Variants in CC2D2B observed in about 807,000 individuals in gnomAD.
CC2D2B encodes the protein coiled-coil and C2 domain containing 2B.
In CC2D2B, 128 loss-of-function variants were observed where a neutral mutation model predicts 161.2. The ratio of observed to expected loss-of-function variants is 0.79; its 90% confidence interval spans 0.69 to 0.92. The LOEUF is 0.92. CC2D2B is among the 40% of genes least tolerant of loss of function. The pLI is 0.00. For synonymous variants in CC2D2B, 391 were observed against 449.8 expected, an observed-to-expected ratio of 0.87 and a Z score of 1.65; for missense variants, 1,173 against 1,375.1, an observed-to-expected ratio of 0.85 and a Z score of 2.32.
At chr10:95,956,315 AG>A (rs1209697208) in intron 11 of CC2D2B, among the ~76,000 whole-genome samples, 2 of 152,268 alleles carry the variant, frequency 1.3e-5, no homozygotes, top group East Asian at 3.9e-4. Flanking sequence ...AATAAGAGCC[AG>A]TAGAAATAAT....
chr10:95,998,518 C>T (rs2078325318), intron 24 of CC2D2B, among the ~76,000 whole-genome samples: 2 of 151,828 alleles, frequency 1.3e-5, no homozygotes, highest in African/African-American at 4.8e-5. Context: ...TCAAGGTTCT[C>T]CAGAGAAACA....
chr10:96,032,879 C>A lies in CC2D2B; in HGVS notation c.*871C>A. 1 of 426,146 alleles carries A rather than the reference C, an allele frequency of 2.3e-6. No individual in the cohort carries two copies. The highest frequency in any genetic ancestry group is 4.8e-6 in the Non-Finnish European group (1 of 208,328). 26.4% of individuals were successfully genotyped at this position (426,146 alleles called of 1,614,324 possible). On this transcript the variant is annotated 3_prime_UTR_variant, in exon 35 of 35. Transcript: ENST00000646931. ...GCAGCCCCCAACTCTGCCTCTGGCA[C>A]TTTTTGCTGCTTTTCTTTCTTAGTA...
At chr10:95,926,873 T>TGTGTGTGCGC (rs397766895) in intron 5 of CC2D2B, among the ~76,000 whole-genome samples, 1 of 150,160 alleles carries the variant, frequency 6.7e-6, no homozygotes, top group Non-Finnish European at 1.5e-5. Context: ...TGTGTGTGTG[T>TGTGTGTGCGC]GCGCGCGCCT....
intron 6 of CC2D2B, 117 bp from the exon 7 acceptor site, chr10:95,937,874 G>T (rs1229114359): frequency 7.8e-6 from 5 of 641,204 alleles, no homozygotes; most frequent in African/African-American, 1.8e-5. Flanking sequence ...AACTTGTTCT[G>T]TGGGTGGCAG....
At chr10:95,943,167 T>A (rs1023467407) in intron 9 of CC2D2B, among the ~76,000 whole-genome samples, 2 of 152,144 alleles carry the variant, frequency 1.3e-5, no homozygotes, top group Non-Finnish European at 2.9e-5. Flanking sequence ...CCATCCACAA[T>A]TGGAGTAGAC....
At chr10:95,938,377 G>T (rs1030959890) in intron 7 of CC2D2B, 188 bp downstream of exon 7, 1 of 610,876 alleles carries the variant, frequency 1.6e-6, no homozygotes, top group Non-Finnish European at 2.9e-6. Context: ...TTTAAAAAAT[G>T]TACATATATA....
chr10:95,996,237 T>G lies in CC2D2B; in HGVS notation c.2834T>G (p.Ile945Ser). 1 of 1,445,398 alleles carries G rather than the reference T, an allele frequency of 6.9e-7. No individual in the cohort carries two copies. The highest frequency in any genetic ancestry group is 9.2e-7 in the Non-Finnish European group (1 of 1,083,178). 89.5% of individuals were successfully genotyped at this position (1,445,398 alleles called of 1,614,324 possible). Residue 945 changes from isoleucine to serine, a missense_variant, in exon 24 of 35, where the codon ATT becomes AGT. Physicochemically the swap from Ile to Ser is moderately radical, Grantham distance 142 (BLOSUM62 -2). Around this residue, in one of 3 missense-constraint regions of CC2D2B, gnomAD observed 598 missense variants for 693.2 expected, o/e 0.86. Coordinates refer to ENST00000646931, the MANE Select transcript of CC2D2B (RefSeq NM_001349008.3). ...SGSHPCWNEE[I>S]KVDFVSPGHD... ...TCTCATCCATGCTGGAATGAAGAAA[T>G]TAAAGTAGATTTTGTGTAAGTTGGA...
intron 6 of CC2D2B, among the ~76,000 whole-genome samples, chr10:95,928,362 A>AT (rs1411484067): frequency 6.6e-6 from 1 of 152,140 alleles, no homozygotes; most frequent in Non-Finnish European, 1.5e-5. Flanking sequence ...CACTATTATC[A>AT]TTTTTTCATA....
intron 2 of CC2D2B, among the ~76,000 whole-genome samples, chr10:95,917,057 T>G (rs769684771): frequency 1.6e-4 from 24 of 152,236 alleles, no homozygotes; most frequent in Non-Finnish European, 3.4e-4. Flanking sequence ...ATTTGTTTTA[T>G]GTATCTGGGT....
At chr10:95,943,307 C>G (rs1368969943) in intron 9 of CC2D2B, among the ~76,000 whole-genome samples, 1 of 152,214 alleles carries the variant, frequency 6.6e-6, no homozygotes, top group Non-Finnish European at 1.5e-5. Flanking sequence ...CTATCTCCCA[C>G]ACAATCGCCA....
At chr10:95,917,478 C>T (rs904323348) in intron 2 of CC2D2B, among the ~76,000 whole-genome samples, 2 of 151,760 alleles carry the variant, frequency 1.3e-5, no homozygotes, top group Admixed American at 1.3e-4. Context: ...TCCATCCGTC[C>T]GTCTGTCTTC....
chr10:96,025,020 A>C (rs2079632380), intron 33 of CC2D2B, 109 bp downstream of exon 33: 2 of 600,412 alleles, frequency 3.3e-6, no homozygotes, highest in African/African-American at 3.9e-5. Context: ...GGAGTTTATA[A>C]TATTTCCAGC....
chr10:96,005,302 G>C (rs1179336709), intron 25 of CC2D2B, among the ~76,000 whole-genome samples: 1 of 152,094 alleles, frequency 6.6e-6, no homozygotes, highest in Non-Finnish European at 1.5e-5. Flanking sequence ...ATTGTTATTA[G>C]AGTGAGTTTG....
At position 96,030,412 on chromosome 10, in the gene CC2D2B, C is replaced by T. The variant is rs573774365; in HGVS notation, c.4126-1408C>T. On this transcript the variant is annotated intron_variant, in intron 34 of 34. Transcript: ENST00000646931. ...CCCAGTGGGTTTTTGAAAACCTCAG[C>T]CTCCCAAGAGTGAGACTCCTTCCCC... 1.1e-4 allele frequency among the ~76,000 whole-genome samples: 17 copies of T among 152,108 alleles called. No homozygotes were observed. In the East Asian group the frequency reaches 2.1e-3, roughly 19 times the overall value.
chr10:96,024,744 C>T, intron 32 of CC2D2B, 109 bp from the exon 33 acceptor site: 5 of 560,860 alleles, frequency 8.9e-6, no homozygotes, highest in Non-Finnish European at 1.3e-5. Flanking sequence ...AGTGTTTTTG[C>T]CACAGAAGCC....
intron 12 of CC2D2B, among the ~76,000 whole-genome samples, chr10:95,962,530 T>G (rs941335887): frequency 6.6e-6 from 1 of 152,254 alleles, no homozygotes; most frequent in East Asian, 1.9e-4. Flanking sequence ...AATCATACTT[T>G]AGATGAAACG....
intron 11 of CC2D2B, among the ~76,000 whole-genome samples, chr10:95,957,610 G>T (rs375867978): frequency 1.5e-5 from 2 of 132,142 alleles, no homozygotes; most frequent in East Asian, 4.5e-4. Context: ...ATCCAGGCTA[G>T]AGTGCAGTGA....
Position 95,974,081 on chromosome 10 carries a change from C to G in CC2D2B, c.1868C>G (p.Ser623Cys). 2 of 1,230,248 alleles carry G rather than the reference C, an allele frequency of 1.6e-6. No homozygotes were observed. Among genetic ancestry groups the G allele is most frequent in the Non-Finnish European group, 2.0e-6 (2 of 986,338 alleles). 76.2% of individuals were successfully genotyped at this position (1,230,248 alleles called of 1,614,324 possible). Residue 623 changes from serine to cysteine, a missense_variant, in exon 17 of 35, where the codon TCT (serine) becomes TGT (cysteine). Physicochemically the swap from Ser to Cys is moderately radical, Grantham distance 112. Transcript: ENST00000646931. ...CLLTSGKLSY[S>C]LSWSLDENGL... ...TTGACATCAGGAAAACTTAGCTATT[C>G]TCTATCATGGAGCTTAGATGAAAAT...
At chr10:95,941,538 A>G (rs930263932) in intron 9 of CC2D2B, among the ~76,000 whole-genome samples, 4 of 151,982 alleles carry the variant, frequency 2.6e-5, no homozygotes, top group Admixed American at 6.6e-5. Context: ...ACATTTCTCC[A>G]AAAAAAACCA....
Sources: allele counts gnomAD v4.1 joint callset (sites outside exome capture counted in the v4.1 genomes callset), GRCh38; gene constraint gnomAD v4.1.1; regional missense constraint gnomAD v4.1.1; transcripts MANE v1.5; gene names NCBI Gene and HGNC (gene_info 2026-07-23, HGNC 2026-07-21).